Variants in GABRB2 observed in about 807,000 individuals in gnomAD.
GABRB2 encodes the protein gamma-aminobutyric acid type A receptor subunit beta2.
GABRB2 carries 16 observed loss-of-function variants against 54.7 expected under a neutral mutation model. The observed-to-expected ratio is 0.29, with a 90% CI of 0.20 to 0.44. GABRB2 has a LOEUF of 0.44. GABRB2 is among the 20% of genes least tolerant of loss of function. GABRB2 has a pLI of 1.00. For synonymous variants in GABRB2, 244 were observed against 233.8 expected (o/e 1.04, Z -0.40); for missense variants, 355 against 644.0 (o/e 0.55, Z 4.86).
chr5:161,392,824 A>G (rs1380016936), intron 5 of GABRB2, among the ~76,000 whole-genome samples: 1 of 152,176 alleles, frequency 6.6e-6, no homozygotes, highest in Non-Finnish European at 1.5e-5. Context: ...AAGCTAAATT[A>G]GAGGGTTAAG....
chr5:161,524,028 T>C (rs988771725), intron 3 of GABRB2, among the ~76,000 whole-genome samples: 1 of 151,320 alleles, frequency 6.6e-6, no homozygotes, highest in Non-Finnish European at 1.5e-5. Context: ...CCACCACTAG[T>C]CAGATTCCTT....
chr5:161,465,178 TTTCCAAG>T (rs1457362562), intron 3 of GABRB2, among the ~76,000 whole-genome samples: 1 of 152,062 alleles, frequency 6.6e-6, no homozygotes, highest in Non-Finnish European at 1.5e-5. Context: ...TCTGAGCCTG[TTTCCAAG>T]TCAAAAGAAC....
intron 9 of GABRB2, among the ~76,000 whole-genome samples, chr5:161,314,928 TA>T (rs1561604450): frequency 6.6e-6 from 1 of 152,194 alleles, no homozygotes; most frequent in African/African-American, 2.4e-5. Context: ...TGGGGGGCTT[TA>T]AAAAGGTAAT....
chr5:161,363,325 C>A (rs959122183), intron 5 of GABRB2, among the ~76,000 whole-genome samples: 10 of 151,920 alleles, frequency 6.6e-5, no homozygotes, highest in Admixed American at 6.6e-4. Context: ...GGGAGTTGAA[C>A]AATGAGGACA....
intron 5 of GABRB2, among the ~76,000 whole-genome samples, chr5:161,371,628 A>G (rs1469456191): frequency 6.6e-6 from 1 of 152,220 alleles, no homozygotes; most frequent in Non-Finnish European, 1.5e-5. Flanking sequence ...TAAATTTTAA[A>G]TTTAATGCTA....
intron 9 of GABRB2, among the ~76,000 whole-genome samples, chr5:161,318,021 C>T (rs1364327038): frequency 6.6e-6 from 1 of 151,944 alleles, no homozygotes; most frequent in African/African-American, 2.4e-5. Flanking sequence ...ATATGAAAAA[C>T]TTGCAAAGTA....
chr5:161,527,696 T>C (rs1258564923), intron 3 of GABRB2, among the ~76,000 whole-genome samples: 1 of 151,242 alleles, frequency 6.6e-6, no homozygotes, highest in Non-Finnish European at 1.5e-5. Context: ...GGAGAAGAAA[T>C]ACAAATGGCC....
Position 161,291,662 on chromosome 5 carries a change from A to T in GABRB2, c.*2419T>A, listed in dbSNP as rs573895982. On this transcript the variant is annotated 3_prime_UTR_variant, in exon 10 of 10. Transcript: ENST00000393959. ...TCAAGCTGCAAAGATGCTTCTCTAC[A>T]CTTTGATCTGGATTGTTCTGTTGAC... 1.4e-4 allele frequency: 22 copies of T among 152,614 alleles called. No individual in the cohort carries two copies. Among genetic ancestry groups the T allele is most frequent in the African/African-American group, 3.9e-4 (16 of 41,536 alleles). The allele number at this position is 152,614 out of a possible 1,614,324, so 9.5% of individuals were successfully genotyped here. A position where few individuals can be genotyped will look rare whatever the true frequency, so the allele number is the denominator to read the frequency against.
At chr5:161,536,048 C>T (rs1235220172) in intron 3 of GABRB2, among the ~76,000 whole-genome samples, 2 of 152,140 alleles carry the variant, frequency 1.3e-5, no homozygotes, top group African/African-American at 4.8e-5. Flanking sequence ...TGATGAGGAC[C>T]TCACCAGATG....
intron 4 of GABRB2, among the ~76,000 whole-genome samples, chr5:161,421,040 C>G (rs1005285171): frequency 6.6e-6 from 1 of 152,194 alleles, no homozygotes; most frequent in African/African-American, 2.4e-5. Flanking sequence ...AGCCCTCCTT[C>G]CCTCACCATT....
chr5:161,416,692 G>T (rs1205763172), intron 4 of GABRB2, among the ~76,000 whole-genome samples: 1 of 15,922 alleles, frequency 6.3e-5, no homozygotes, highest in Non-Finnish European at 1.7e-4. Flanking sequence ...GCCAGACTCC[G>T]TCTCAAAAAA....
At chr5:161,330,329 T>G (rs1468817480) in intron 8 of GABRB2, 1 of 152,330 alleles carries the variant, frequency 6.6e-6, no homozygotes, top group Non-Finnish European at 1.5e-5. Context: ...ACTCTTCTTA[T>G]GTTCTTCTGA....
chr5:161,475,405 A>G (rs1184622906), intron 3 of GABRB2, among the ~76,000 whole-genome samples: 1 of 151,950 alleles, frequency 6.6e-6, no homozygotes, highest in Non-Finnish European at 1.5e-5. Flanking sequence ...CATTTATAAA[A>G]TAATTAGAAT....
chr5:161,420,819 G>A (rs990617790), intron 4 of GABRB2, among the ~76,000 whole-genome samples: 1 of 152,140 alleles, frequency 6.6e-6, no homozygotes, highest in African/African-American at 2.4e-5. Flanking sequence ...AGAATACATT[G>A]CAGAAGTGTA....
At chr5:161,432,291 C>A (rs544416141) in intron 4 of GABRB2, among the ~76,000 whole-genome samples, 1 of 152,308 alleles carries the variant, frequency 6.6e-6, no homozygotes, top group African/African-American at 2.4e-5. Flanking sequence ...AGAATCCTAA[C>A]AAGGTTTTGA....
chr5:161,536,234 G>C (rs72815523), intron 3 of GABRB2, among the ~76,000 whole-genome samples: 1 of 152,054 alleles, frequency 6.6e-6, no homozygotes, highest in Non-Finnish European at 1.5e-5. Context: ...AATGTTGAGC[G>C]CTGTACGAAA....
At chr5:161,418,564 CTT>C (rs1756751180) in intron 4 of GABRB2, among the ~76,000 whole-genome samples, 4 of 152,308 alleles carry the variant, frequency 2.6e-5, no homozygotes, top group Admixed American at 1.3e-4. Flanking sequence ...AAGAAAAACT[CTT>C]CTTGACCCTT....
intron 3 of GABRB2, among the ~76,000 whole-genome samples, chr5:161,460,871 C>T (rs1457641720): frequency 2.0e-5 from 3 of 152,074 alleles, no homozygotes; most frequent in African/African-American, 7.2e-5. Flanking sequence ...TGACAAAAAG[C>T]TTTTCTTGGG....
At chr5:161,536,944 G>A (rs953055233) in intron 3 of GABRB2, among the ~76,000 whole-genome samples, 1 of 151,834 alleles carries the variant, frequency 6.6e-6, no homozygotes, top group Non-Finnish European at 1.5e-5. Context: ...CATCCCTTCA[G>A]AACCAAACTT....
Sources: allele counts gnomAD v4.1 joint callset (sites outside exome capture counted in the v4.1 genomes callset), GRCh38; gene constraint gnomAD v4.1.1; transcripts MANE v1.5; gene names NCBI Gene and HGNC (gene_info 2026-07-23, HGNC 2026-07-21).